The following LMBR1 variants were observed in gnomAD, a reference collection of about 807,000 sequenced individuals.
LMBR1 encodes limb region 1 protein homolog.
A neutral mutation model predicts 73.9 loss-of-function variants in LMBR1; 52 were observed. The observed-to-expected ratio is 0.70, with a 90% CI of 0.56 to 0.89. The LOEUF (loss-of-function observed/expected upper bound fraction) is 0.89. LMBR1 is among the 40% of genes least tolerant of loss of function. The probability of loss-of-function intolerance (pLI) is 0.00; values close to 1 mark genes in which losing one functional copy is unlikely to be tolerated. For missense variants in LMBR1, 539 were observed against 579.8 expected, an observed-to-expected ratio of 0.93 and a Z score of 0.72; for synonymous variants, 215 against 209.4, an observed-to-expected ratio of 1.03 and a Z score of -0.23.
At position 156,725,851 on chromosome 7, in the gene LMBR1, A is replaced by C. The variant is rs760900965; in HGVS notation, c.994-14T>G. On this transcript the variant is annotated splice_polypyrimidine_tract_variant and intron_variant, in intron 12 of 16. Coordinates refer to ENST00000353442, the MANE Select transcript of LMBR1 (RefSeq NM_022458.4). ...TATTCCAGGCCCCTGGGGTGGGAGAAAGACACTTTTCAGAATTTGATGACA... is the reference window on the plus strand; with the variant it reads ...TATTCCAGGCCCCTGGGGTGGGAGACAGACACTTTTCAGAATTTGATGACA... 6.2e-7 allele frequency: 1 copy of C among 1,605,740 alleles called. No individual in the cohort carries two copies. Among genetic ancestry groups the C allele is most frequent in the Non-Finnish European group, 8.5e-7 (1 of 1,175,758 alleles).
chr7:156,785,026 A>C (rs565863810), intron 5 of LMBR1, among the ~76,000 whole-genome samples: 1 of 152,358 alleles, frequency 6.6e-6, no homozygotes, highest in East Asian at 1.9e-4. Context: ...TGAACTGTTA[A>C]AGTAAGAAGG....
chr7:156,736,875 C>G (rs762585820), intron 9 of LMBR1, among the ~76,000 whole-genome samples: 1 of 152,158 alleles, frequency 6.6e-6, no homozygotes, highest in South Asian at 2.1e-4. Flanking sequence ...CCCAAAACAT[C>G]CTGCCAAAGG....
downstream of LMBR1, among the ~76,000 whole-genome samples, chr7:156,672,839 G>A (rs1802858601): frequency 1.3e-5 from 2 of 152,238 alleles, no homozygotes. Flanking sequence ...CTCCAGGAAT[G>A]ATAACTAATG....
intron 9 of LMBR1, among the ~76,000 whole-genome samples, chr7:156,739,737 G>A (rs778242355): frequency 2.6e-5 from 4 of 152,100 alleles, no homozygotes; most frequent in Non-Finnish European, 4.4e-5. Flanking sequence ...CTTGAGGGCC[G>A]AGTTCCTTTG....
At chr7:156,799,688 C>G (rs529932302) in intron 4 of LMBR1, among the ~76,000 whole-genome samples, 35 of 152,240 alleles carry the variant, frequency 2.3e-4, no homozygotes, top group African/African-American at 8.2e-4. Flanking sequence ...CTCTCACTTT[C>G]AATCAAAAGC....
chr7:156,891,605 G>A (rs925803532), intron 1 of LMBR1, among the ~76,000 whole-genome samples: 3 of 152,146 alleles, frequency 2.0e-5, no homozygotes, highest in Admixed American at 6.6e-5. Flanking sequence ...TAGTAAAATT[G>A]TGTTTATTTA....
intron 2 of LMBR1, among the ~76,000 whole-genome samples, chr7:156,835,355 T>C (rs546783143): frequency 1.3e-5 from 2 of 152,158 alleles, no homozygotes; most frequent in African/African-American, 2.4e-5. Flanking sequence ...CAAAAGAACA[T>C]AGTTACAATT....
intron 1 of LMBR1, among the ~76,000 whole-genome samples, chr7:156,847,369 C>T (rs933800034): frequency 6.6e-6 from 1 of 152,072 alleles, no homozygotes; most frequent in African/African-American, 2.4e-5. Flanking sequence ...ATCTAGATGG[C>T]CTTGGGTTTG....
At chr7:156,816,360 C>T (rs1386196938) in intron 4 of LMBR1, among the ~76,000 whole-genome samples, 1 of 152,074 alleles carries the variant, frequency 6.6e-6, no homozygotes, top group African/African-American at 2.4e-5. Context: ...CACGCACCAT[C>T]ACACCAGGCT....
intron 15 of LMBR1, among the ~76,000 whole-genome samples, chr7:156,710,597 C>T (rs1811870256): frequency 6.6e-6 from 1 of 152,166 alleles, no homozygotes; most frequent in African/African-American, 2.4e-5. Context: ...GTTTGGAAAA[C>T]TTATTTGAGG....
intron 8 of LMBR1, among the ~76,000 whole-genome samples, chr7:156,756,717 A>G (rs544879256): frequency 2.0e-5 from 3 of 152,358 alleles, no homozygotes; most frequent in East Asian, 1.9e-4. Flanking sequence ...TTAAGGGATT[A>G]AACTAAGGAA....
chr7:156,676,385 C>T, downstream of LMBR1: 1 of 1,614,024 alleles, frequency 6.2e-7, no homozygotes, highest in African/African-American at 1.3e-5. Flanking sequence ...ATGAAACTAA[C>T]CCGCGTGGCC....
At chr7:156,676,062 T>G (rs3823615), downstream of LMBR1, among the ~76,000 whole-genome samples, 90,185 of 149,726 alleles carry the variant, frequency 0.6, 29,226 homozygotes, top group African/African-American at 0.85. Context: ...GGAGTGTCAG[T>G]CCCGGGGTAA....
At chr7:156,863,036 T>C (rs1043770276) in intron 1 of LMBR1, among the ~76,000 whole-genome samples, 1 of 152,188 alleles carries the variant, frequency 6.6e-6, no homozygotes, top group African/African-American at 2.4e-5. Context: ...CAAATCCCAT[T>C]GGCTCAATTT....
intron 15 of LMBR1, among the ~76,000 whole-genome samples, chr7:156,710,158 G>GCCTC (rs57415267): frequency 0.097 from 14,714 of 151,870 alleles, 846 homozygotes; most frequent in East Asian, 0.16. Flanking sequence ...GCCTGCCTTG[G>GCCTC]CCTCCCAAAG....
chr7:156,713,864 T>C (rs1812628567), intron 15 of LMBR1, among the ~76,000 whole-genome samples: 1 of 152,252 alleles, frequency 6.6e-6, no homozygotes, highest in Admixed American at 6.5e-5. Flanking sequence ...GCTGTACCAA[T>C]TACATTTATT....
intron 15 of LMBR1, among the ~76,000 whole-genome samples, chr7:156,715,942 A>G (rs1347064930): frequency 6.6e-6 from 1 of 152,226 alleles, no homozygotes; most frequent in Non-Finnish European, 1.5e-5. Context: ...AATAAAGACC[A>G]CCAGGGCAAA....
intron 5 of LMBR1, 41 bp downstream of exon 5, chr7:156,796,348 C>A: frequency 1.5e-6 from 2 of 1,308,158 alleles, no homozygotes; most frequent in Admixed American, 2.3e-5. Flanking sequence ...ATATTTAATT[C>A]CTCACTTAAC....
intron 1 of LMBR1, among the ~76,000 whole-genome samples, chr7:156,845,806 G>A (rs995389431): frequency 8.5e-5 from 13 of 152,050 alleles, no homozygotes; most frequent in Non-Finnish European, 5.9e-5. Context: ...GAACGACTGT[G>A]CCCAATTCAA....
Sources: allele counts gnomAD v4.1 joint callset (sites outside exome capture counted in the v4.1 genomes callset), GRCh38; gene constraint gnomAD v4.1.1; transcripts MANE v1.5; gene names NCBI Gene and HGNC (gene_info 2026-07-23, HGNC 2026-07-21).